NETO2: variants seen among roughly 807,000 people sequenced by gnomAD.
NETO2 encodes the protein neuropilin and tolloid-like protein 2.
Under a neutral mutation model 62.5 loss-of-function variants are expected in NETO2, and 28 were observed. The ratio of observed to expected loss-of-function variants is 0.45; its 90% CI spans 0.33 to 0.61. The LOEUF (loss-of-function observed/expected upper bound fraction) is 0.61, where lower values mean the gene tolerates loss of function less well. NETO2 is among the 20% of genes least tolerant of loss of function. The probability of loss-of-function intolerance (pLI) is 0.02; values close to 1 mark genes in which losing one functional copy is unlikely to be tolerated. For missense variants in NETO2, 548 were observed against 643.2 expected (o/e 0.85, Z 1.60); for synonymous variants, 214 against 219.1 (o/e 0.98, Z 0.21).
At position 47,082,948 on chromosome 16, in the gene NETO2, C is replaced by T. The variant is rs140306182; in HGVS notation, c.*273G>A. The stretch of plus-strand genomic sequence containing the variant: ...TGAGCCTGGCTCCATCCAACCACCT[C>T]TTCTAATGCTCTTTAACTGGCAGTG... On this transcript the variant is annotated 3_prime_UTR_variant, in exon 9 of 9. Coordinates refer to ENST00000562435, the MANE Select transcript of NETO2 (RefSeq NM_018092.5). The T allele has an allele frequency of 1.9e-3, 660 of 347,450 alleles. 1 individual carries two copies. Among genetic ancestry groups the T allele is most frequent in the Middle Eastern group, 7.1e-3 (9 of 1,272 alleles). 21.5% of individuals were successfully genotyped at this position (347,450 alleles called of 1,614,324 possible).
intron 7 of NETO2, among the ~76,000 whole-genome samples, chr16:47,105,083 C>CAGGCTGGTCTTGAACTCCTGCCT (rs1963644611): frequency 6.6e-6 from 1 of 151,102 alleles, no homozygotes; most frequent in South Asian, 2.1e-4. Context: ...CTATGTTGAC[C>CAGGCTGGTCTTGAACTCCTGCCT]AGGCTGGTCT....
intron 1 of NETO2, among the ~76,000 whole-genome samples, chr16:47,140,413 A>G (rs921630912): frequency 2.6e-5 from 4 of 152,200 alleles, no homozygotes; most frequent in African/African-American, 7.2e-5. Flanking sequence ...GAGGTAGTCT[A>G]TTGTTTTAAA....
At chr16:47,088,395 T>C (rs1963243701) in intron 7 of NETO2, among the ~76,000 whole-genome samples, 1 of 152,214 alleles carries the variant, frequency 6.6e-6, no homozygotes, top group Admixed American at 6.5e-5. Context: ...CGTGAGCCAC[T>C]GTGCCTGGTC....
At position 47,102,706 on chromosome 16, in the gene NETO2, G is replaced by A. The variant is rs564593418; in HGVS notation, c.883+6777C>T. On this transcript the variant is annotated intron_variant, in intron 7 of 8. Coordinates refer to ENST00000562435, the MANE Select transcript of NETO2 (RefSeq NM_018092.5). ...GACATGAAAAAAAGCTCATCATCAC[G>A]GTCATTAGAGAAATGCAAATCAAAA... Among the ~76,000 whole-genome samples the A allele has an allele frequency of 6.6e-5, 10 of 151,964 alleles. No individual in the cohort carries two copies. In the East Asian group the frequency reaches 1.7e-3, roughly 26 times the overall value.
intron 7 of NETO2, among the ~76,000 whole-genome samples, chr16:47,097,165 G>A (rs961203640): frequency 2.6e-5 from 4 of 152,160 alleles, no homozygotes; most frequent in Non-Finnish European, 5.9e-5. Flanking sequence ...GAACGCCAGC[G>A]AGACAGAACT....
chr16:47,130,114 AG>A (rs1964234637), intron 2 of NETO2, among the ~76,000 whole-genome samples: 1 of 152,238 alleles, frequency 6.6e-6, no homozygotes, highest in African/African-American at 2.4e-5. Context: ...AGGGGACACC[AG>A]GAACAGTTGA....
At position 47,143,873 on chromosome 16, in the gene NETO2, G is replaced by T. The variant is rs1022785389; in HGVS notation, c.-261C>A. 1 of 265,922 alleles carries T rather than the reference G, an allele frequency of 3.8e-6. No individual in the cohort carries two copies. The highest frequency in any genetic ancestry group is 6.7e-6 in the Non-Finnish European group (1 of 148,814). The allele number at this position is 265,922 out of a possible 1,614,324, so 16.5% of individuals were successfully genotyped here. On this transcript the variant is annotated 5_prime_UTR_variant, in exon 1 of 9. Coordinates refer to ENST00000562435, the MANE Select transcript of NETO2 (RefSeq NM_018092.5). ...CCGTCCCATCGACCGCCCGAGGGCCGAGGAGTGCGGACGCGCGGCGCGGGA... is the reference window on the plus strand; with the variant it reads ...CCGTCCCATCGACCGCCCGAGGGCCTAGGAGTGCGGACGCGCGGCGCGGGA...
chr16:47,112,428 G>A (rs150004597), intron 6 of NETO2, among the ~76,000 whole-genome samples: 1,612 of 152,100 alleles, frequency 0.011, 17 homozygotes, highest in Non-Finnish European at 0.014. Flanking sequence ...GCGTGATCGC[G>A]GCTCTCACTG....
intron 7 of NETO2, among the ~76,000 whole-genome samples, chr16:47,097,525 A>C (rs1963452630): frequency 6.6e-6 from 1 of 152,232 alleles, no homozygotes; most frequent in Non-Finnish European, 1.5e-5. Flanking sequence ...AGTCCCAGTC[A>C]GGGGCTTATA....
intron 6 of NETO2, among the ~76,000 whole-genome samples, chr16:47,116,874 C>T (rs376076478): frequency 6.6e-6 from 1 of 152,120 alleles, no homozygotes; most frequent in Non-Finnish European, 1.5e-5. Context: ...CCCATTTCAT[C>T]GAAGTCATCT....
At chr16:47,138,217 T>C (rs1964396705) in intron 1 of NETO2, among the ~76,000 whole-genome samples, 1 of 152,144 alleles carries the variant, frequency 6.6e-6, no homozygotes, top group Non-Finnish European at 1.5e-5. Flanking sequence ...CTGAACAATA[T>C]GGTGAAACCC....
intron 2 of NETO2, 132 bp from the exon 3 acceptor site, chr16:47,129,496 T>C: frequency 1.1e-6 from 1 of 880,170 alleles, no homozygotes; most frequent in Non-Finnish European, 1.7e-6. Context: ...CACTGTCAAA[T>C]TTAGCACAAT....
chr16:47,078,384 C>A lies in NETO2; in HGVS notation c.*4837G>T, dbSNP rs1459210144. On this transcript the variant is annotated 3_prime_UTR_variant, in exon 9 of 9. Coordinates refer to ENST00000562435, the MANE Select transcript of NETO2 (RefSeq NM_018092.5). ...ATAAAATGCCAAATCTAGGATTAAGCATATTCTCATATGGCCTGGAAGTTC... is the reference window on the plus strand; with the variant it reads ...ATAAAATGCCAAATCTAGGATTAAGAATATTCTCATATGGCCTGGAAGTTC... 6.6e-6 allele frequency: 1 copy of A among 152,292 alleles called. No homozygotes were observed. Among genetic ancestry groups the A allele is most frequent in the African/African-American group, 2.4e-5 (1 of 41,570 alleles). 9.4% of individuals were successfully genotyped at this position (152,292 alleles called of 1,614,324 possible).
At chr16:47,098,863 G>A (rs1203372217) in intron 7 of NETO2, among the ~76,000 whole-genome samples, 3 of 152,130 alleles carry the variant, frequency 2.0e-5, no homozygotes, top group African/African-American at 7.2e-5. Context: ...AGAGAGTGGG[G>A]GCCAATATGC....
intron 4 of NETO2, among the ~76,000 whole-genome samples, chr16:47,127,570 C>G (rs1038185978): frequency 1.3e-5 from 2 of 152,168 alleles, no homozygotes; most frequent in East Asian, 1.9e-4. Flanking sequence ...GCAGCCACAG[C>G]CCAGCAATGC....
At chr16:47,090,406 G>A (rs1963287790) in intron 7 of NETO2, among the ~76,000 whole-genome samples, 1 of 152,172 alleles carries the variant, frequency 6.6e-6, no homozygotes, top group South Asian at 2.1e-4. Flanking sequence ...TTATTGATAT[G>A]GGATTTTAAT....
At position 47,111,370 on chromosome 16, in the gene NETO2, T is replaced by C. The variant is rs558579089; in HGVS notation, c.655-1659A>G. On this transcript the variant is annotated intron_variant, in intron 6 of 8. Transcript: ENST00000562435. ...ATAGTAAATGCTCTTCAAAGACATATTTTTAAAAAAACATCGAGTTAAAGA... is the reference window on the plus strand; with the variant it reads ...ATAGTAAATGCTCTTCAAAGACATACTTTTAAAAAAACATCGAGTTAAAGA... Among the ~76,000 whole-genome samples, 104 of 152,318 alleles carry C rather than the reference T, an allele frequency of 6.8e-4. 1 individual carries two copies. The highest frequency in any genetic ancestry group is 2.4e-3 in the African/African-American group (98 of 41,572).
At chr16:47,089,329 T>C (rs1963263587) in intron 7 of NETO2, among the ~76,000 whole-genome samples, 1 of 152,194 alleles carries the variant, frequency 6.6e-6, no homozygotes, top group Non-Finnish European at 1.5e-5. Flanking sequence ...TAGTAATCAA[T>C]AAAAATGGTT....
intron 7 of NETO2, among the ~76,000 whole-genome samples, chr16:47,089,636 A>G (rs1963271599): frequency 6.6e-6 from 1 of 152,242 alleles, no homozygotes; most frequent in Non-Finnish European, 1.5e-5. Context: ...TCCAAGGCTC[A>G]TCGGAAAGAC....
Sources: allele counts gnomAD v4.1 joint callset (sites outside exome capture counted in the v4.1 genomes callset), GRCh38; gene constraint gnomAD v4.1.1; transcripts MANE v1.5; gene names NCBI Gene and HGNC (gene_info 2026-07-23, HGNC 2026-07-21).